The following RBFOX1 variants were observed in gnomAD, a reference collection of about 807,000 sequenced individuals.
RBFOX1 encodes the protein RNA binding fox-1 homolog 1.
A neutral mutation model predicts 57.7 loss-of-function variants in RBFOX1; 8 were observed. That is an observed-to-expected ratio of 0.14 (90% CI 0.08 to 0.25). RBFOX1 has a LOEUF of 0.25. Among genes scored for constraint, RBFOX1 ranks in the 10% least tolerant of loss-of-function variants. The pLI, the probability that RBFOX1 is intolerant of heterozygous loss-of-function variation, is 1.00. For synonymous variants in RBFOX1, 326 were observed against 222.4 expected (o/e 1.47, Z -4.15); for missense variants, 611 against 548.5 (o/e 1.11, Z -1.14).
chr16:6,813,845 C>T (rs1191284212), intron 3 of RBFOX1, among the ~76,000 whole-genome samples: 16 of 152,134 alleles, frequency 1.1e-4, no homozygotes, highest in Admixed American at 8.5e-4. Flanking sequence ...CCCCCAACCC[C>T]TCTGGCTTCC....
chr16:7,225,990 C>T (rs968780860), intron 4 of RBFOX1, among the ~76,000 whole-genome samples: 1 of 151,492 alleles, frequency 6.6e-6, no homozygotes, highest in Non-Finnish European at 1.5e-5. Flanking sequence ...TGGCGATGCT[C>T]TAAGGAATGG....
rs777620364 is a variant in RBFOX1, at chr16:7,407,816, T to A, written c.28-110331T>A. Reference sequence around the variant, plus strand: ...TCTGGTGTTGTACAGGTTTTCATATTTCACTGGGGGTGGGAAAACTATGGC... The same window carrying A: ...TCTGGTGTTGTACAGGTTTTCATATATCACTGGGGGTGGGAAAACTATGGC... On this transcript the variant is annotated intron_variant, in intron 4 of 15. Coordinates refer to ENST00000550418, the MANE Select transcript of RBFOX1 (RefSeq NM_018723.4). Among the ~76,000 whole-genome samples, 10 of 152,160 alleles carry A rather than the reference T, an allele frequency of 6.6e-5. 1 individual carries two copies. In the East Asian group the frequency reaches 1.7e-3, roughly 26 times the overall value.
chr16:5,909,908 C>T (rs755696837), intron 4 of RBFOX1, among the ~76,000 whole-genome samples: 20 of 151,966 alleles, frequency 1.3e-4, no homozygotes, highest in Admixed American at 7.9e-4. Flanking sequence ...CAAAAATTAG[C>T]CGGGTGTGGT....
At chr16:6,816,467 T>A (rs966084113) in intron 3 of RBFOX1, among the ~76,000 whole-genome samples, 2 of 141,680 alleles carry the variant, frequency 1.4e-5, no homozygotes, top group Admixed American at 7.4e-5. Context: ...GTTGGCCGGG[T>A]GTGGTGGCTT....
intron 4 of RBFOX1, among the ~76,000 whole-genome samples, chr16:7,366,061 C>A (rs1021238711): frequency 6.6e-6 from 1 of 152,134 alleles, no homozygotes; most frequent in Non-Finnish European, 1.5e-5. Context: ...GGCGGAGGTC[C>A]AGGGCTCATC....
intron 3 of RBFOX1, among the ~76,000 whole-genome samples, chr16:5,721,628 G>T (rs772623914): frequency 6.6e-6 from 1 of 152,044 alleles, no homozygotes; most frequent in Non-Finnish European, 1.5e-5. Context: ...TTATAATTTT[G>T]AAAACATTCT....
At chr16:5,905,555 A>T (rs2058436943) in intron 4 of RBFOX1, among the ~76,000 whole-genome samples, 1 of 152,120 alleles carries the variant, frequency 6.6e-6, no homozygotes, top group African/African-American at 2.4e-5. Flanking sequence ...CTACAAAAAA[A>T]TGCAAAAACT....
intron 1 of RBFOX1, among the ~76,000 whole-genome samples, chr16:5,455,302 C>T (rs545144813): frequency 6.6e-6 from 1 of 152,002 alleles, no homozygotes; most frequent in Non-Finnish European, 1.5e-5. Flanking sequence ...AGGGAGTGCC[C>T]AGAGAGTGAA....
intron 1 of RBFOX1, among the ~76,000 whole-genome samples, chr16:6,042,584 T>G (rs2095449617): frequency 6.6e-6 from 1 of 152,130 alleles, no homozygotes; most frequent in African/African-American, 2.4e-5. Context: ...TTGGGAATGT[T>G]GATTAAAAAA....
intron 4 of RBFOX1, among the ~76,000 whole-genome samples, chr16:7,282,120 C>A (rs2095556893): frequency 6.6e-6 from 1 of 152,128 alleles, no homozygotes; most frequent in Non-Finnish European, 1.5e-5. Context: ...ACTTCAGCCT[C>A]CCAGAGTGCT....
intron 11 of RBFOX1, among the ~76,000 whole-genome samples, chr16:7,640,541 G>C (rs970843268): frequency 2.0e-5 from 3 of 152,172 alleles, no homozygotes; most frequent in Non-Finnish European, 2.9e-5. Context: ...CTTTGTGTCA[G>C]ACAGATATTA....
downstream of RBFOX1, among the ~76,000 whole-genome samples, chr16:5,601,956 T>G (rs1440778896): frequency 6.6e-6 from 1 of 152,156 alleles, no homozygotes; most frequent in Non-Finnish European, 1.5e-5. Context: ...TTCTCTCTAG[T>G]GGAAGGGATG....
rs77903578 is a variant in RBFOX1, at chr16:7,693,538, A to G, written c.996-15518A>G. 0.01 allele frequency among the ~76,000 whole-genome samples: 1,581 copies of G among 151,492 alleles called. 29 individuals are homozygous for G. Among genetic ancestry groups the G allele is most frequent in the South Asian group, 0.049 (236 of 4,796 alleles). ...AGCTGAAGCCTTGAGGCTCTGCCAT[A>G]TAAGACGACATTAGGCATTTTGCTA... is the stretch of plus-strand genomic sequence containing the variant. On this transcript the variant is annotated intron_variant, in intron 14 of 15. Coordinates refer to ENST00000550418, the MANE Select transcript of RBFOX1 (RefSeq NM_018723.4).
At position 5,869,672 on chromosome 16, in the gene RBFOX1, G is replaced by T. The variant is rs62017071; in HGVS notation, c.351+2337G>T. On this transcript the variant is annotated intron_variant, in intron 4 of 19. Coordinates refer to the RBFOX1 transcript ENST00000641259. ...CCCTCCTCGGCCTCCCAAAGTGATG[G>T]GATTACAGGCATGAGCCACCGCGCC... 8.1e-3 allele frequency among the ~76,000 whole-genome samples: 1,236 copies of T among 152,182 alleles called. 15 individuals carry two copies. Among genetic ancestry groups the T allele is most frequent in the Non-Finnish European group, 0.013 (888 of 68,010 alleles).
intron 3 of RBFOX1, among the ~76,000 whole-genome samples, chr16:5,767,328 A>T (rs1376758663): frequency 1.3e-5 from 2 of 152,256 alleles, no homozygotes; most frequent in Non-Finnish European, 2.9e-5. Flanking sequence ...CTCTTGGTCC[A>T]TCTAGGTCAA....
chr16:6,233,482 A>G (rs958559865), intron 1 of RBFOX1, among the ~76,000 whole-genome samples: 1 of 152,124 alleles, frequency 6.6e-6, no homozygotes, highest in African/African-American at 2.4e-5. Context: ...CCTTTCAGGG[A>G]CAGGGAGTTC....
intron 3 of RBFOX1, among the ~76,000 whole-genome samples, chr16:6,804,232 A>T (rs959296891): frequency 6.6e-6 from 1 of 151,192 alleles, no homozygotes; most frequent in Non-Finnish European, 1.5e-5. Flanking sequence ...CTGGACTCAA[A>T]CTCCTGACCT....
intron 1 of RBFOX1, among the ~76,000 whole-genome samples, chr16:5,242,764 T>A (rs2062198533): frequency 6.6e-6 from 1 of 151,994 alleles, no homozygotes; most frequent in Admixed American, 6.6e-5. Flanking sequence ...AAGGATAAAA[T>A]GTTCTTTCTC....
At chr16:5,812,880 A>G (rs1024701263) in intron 3 of RBFOX1, among the ~76,000 whole-genome samples, 8 of 152,058 alleles carry the variant, frequency 5.3e-5, no homozygotes, top group African/African-American at 1.4e-4. Flanking sequence ...CTGGTTTTCC[A>G]TGTGTGTATT....
Sources: allele counts gnomAD v4.1 joint callset (sites outside exome capture counted in the v4.1 genomes callset), GRCh38; gene constraint gnomAD v4.1.1; transcripts MANE v1.5; gene names NCBI Gene and HGNC (gene_info 2026-07-23, HGNC 2026-07-21).